The following EDAR variants were observed in gnomAD, a reference collection of about 807,000 sequenced individuals.
The protein encoded by EDAR is tumor necrosis factor receptor superfamily member EDAR.
Under a neutral mutation model 51.3 loss-of-function variants are expected in EDAR, and 38 were observed. That is an observed-to-expected ratio of 0.74 (90% confidence interval 0.57 to 0.97). The LOEUF (loss-of-function observed/expected upper bound fraction) is 0.97. Among genes scored for constraint, EDAR ranks in the 50% least tolerant of loss-of-function variants. The probability of loss-of-function intolerance (pLI) is 0.00; values close to 1 mark genes in which losing one functional copy is unlikely to be tolerated. For missense variants in EDAR, 528 were observed against 595.0 expected, an observed-to-expected ratio of 0.89 and a Z score of 1.17; for synonymous variants, 227 against 242.1, an observed-to-expected ratio of 0.94 and a Z score of 0.58.
At chr2:108,925,704 G>A (rs1353342960) in intron 4 of EDAR, among the ~76,000 whole-genome samples, 4 of 151,802 alleles carry the variant, frequency 2.6e-5, no homozygotes, top group Non-Finnish European at 5.9e-5. Context: ...CGCAACTTCC[G>A]CCTCCCAGGT....
chr2:108,903,805 ATG>A (rs1331262982), intron 11 of EDAR, among the ~76,000 whole-genome samples: 2 of 152,194 alleles, frequency 1.3e-5, no homozygotes, highest in Non-Finnish European at 2.9e-5. Flanking sequence ...CATAAAAACT[ATG>A]TGGACTTAGA....
chr2:108,911,201 G>A (rs1574372514), intron 6 of EDAR, 129 bp from the exon 7 acceptor site: 2 of 1,183,252 alleles, frequency 1.7e-6, no homozygotes, highest in Non-Finnish European at 2.5e-6. Flanking sequence ...GAAATCTGAG[G>A]TGCTTGCTTA....
At chr2:108,928,493 C>T (rs985763610) in intron 4 of EDAR, among the ~76,000 whole-genome samples, 8 of 152,334 alleles carry the variant, frequency 5.3e-5, no homozygotes, top group African/African-American at 1.7e-4. Flanking sequence ...GCCATCACCT[C>T]TCCCACCTGT....
rs1297893230 is a variant in EDAR, at chr2:108,929,494, CG to C, written c.175-116del. ...AGCTGTCTCCAGAAGCTACTCTTGC[CG>C]GGCCTTGGTTTCCTGAGTTGTCCTA... On this transcript the variant is annotated intron_variant, in intron 3 of 11. Coordinates refer to ENST00000258443, the MANE Select transcript of EDAR (RefSeq NM_022336.4). 3.5e-6 allele frequency: 4 copies of C among 1,154,966 alleles called. No individual in the cohort carries two copies. The African/African-American group carries it at 4.5e-5, about 13-fold the overall frequency. The allele number at this position is 1,154,966 out of a possible 1,614,324, so 71.5% of individuals were successfully genotyped here.
At chr2:108,960,882 A>G (rs189853079) in intron 1 of EDAR, among the ~76,000 whole-genome samples, 2 of 152,378 alleles carry the variant, frequency 1.3e-5, no homozygotes, top group East Asian at 3.9e-4. Context: ...GTATTCCACC[A>G]TGTGGATGTA....
intron 1 of EDAR, among the ~76,000 whole-genome samples, chr2:108,952,907 G>C (rs764428233): frequency 3.9e-5 from 6 of 152,040 alleles, no homozygotes; most frequent in Non-Finnish European, 8.8e-5. Context: ...TCTTTATTAG[G>C]GTTGGTCTAT....
At chr2:108,971,891 C>T (rs535588447) in intron 1 of EDAR, among the ~76,000 whole-genome samples, 1 of 152,328 alleles carries the variant, frequency 6.6e-6, no homozygotes, top group African/African-American at 2.4e-5. Context: ...GACCAGGTCA[C>T]CAAAGGCACT....
chr2:108,987,240 T>C (rs911374629), intron 1 of EDAR, among the ~76,000 whole-genome samples: 12 of 152,260 alleles, frequency 7.9e-5, no homozygotes, highest in African/African-American at 2.4e-4. Context: ...ACGCACTCAC[T>C]TGGACCCAGA....
intron 11 of EDAR, among the ~76,000 whole-genome samples, chr2:108,905,305 G>A (rs1222329240): frequency 6.6e-6 from 1 of 152,180 alleles, no homozygotes; most frequent in Non-Finnish European, 1.5e-5. Flanking sequence ...TGGAAGGTGA[G>A]TCCTAGACCA....
intron 1 of EDAR, among the ~76,000 whole-genome samples, chr2:108,967,915 A>C (rs1390352196): frequency 6.6e-6 from 1 of 152,198 alleles, no homozygotes; most frequent in Non-Finnish European, 1.5e-5. Context: ...TGAGTCTAAG[A>C]CCTGTCAAAT....
At chr2:108,908,181 G>A (rs1328390883) in intron 9 of EDAR, among the ~76,000 whole-genome samples, 162 bp from the exon 10 acceptor site, 2 of 152,094 alleles carry the variant, frequency 1.3e-5, no homozygotes, top group African/African-American at 4.8e-5. Context: ...GGGACCAGGG[G>A]ACATGAGACG....
At chr2:108,925,509 C>A (rs947209976) in intron 4 of EDAR, among the ~76,000 whole-genome samples, 1 of 152,188 alleles carries the variant, frequency 6.6e-6, no homozygotes, top group Non-Finnish European at 1.5e-5. Context: ...GTCCTGGGCA[C>A]GAGGCACCTT....
At chr2:108,912,584 T>C (rs1696947485) in intron 6 of EDAR, 94 bp downstream of exon 6, 1 of 1,222,982 alleles carries the variant, frequency 8.2e-7, no homozygotes, top group Non-Finnish European at 1.2e-6. Flanking sequence ...AAGCGCACCA[T>C]AATCATCACT....
At chr2:108,924,567 C>T (rs1030946523) in intron 4 of EDAR, among the ~76,000 whole-genome samples, 1 of 152,192 alleles carries the variant, frequency 6.6e-6, no homozygotes, top group Non-Finnish European at 1.5e-5. Flanking sequence ...ATTAGCCAGG[C>T]CCCATGGAGG....
At chr2:108,976,636 G>A (rs960642527) in intron 1 of EDAR, among the ~76,000 whole-genome samples, 1 of 152,070 alleles carries the variant, frequency 6.6e-6, no homozygotes, top group Non-Finnish European at 1.5e-5. Flanking sequence ...TTGTCCATCC[G>A]TCCATTATTT....
At chr2:108,945,057 C>G (rs1379763579) in intron 1 of EDAR, among the ~76,000 whole-genome samples, 1 of 152,166 alleles carries the variant, frequency 6.6e-6, no homozygotes, top group African/African-American at 2.4e-5. Flanking sequence ...ATTGTACAGT[C>G]TGGTGCTTTC....
At chr2:108,940,380 T>G (rs761073263) in intron 1 of EDAR, 2 of 152,384 alleles carry the variant, frequency 1.3e-5, no homozygotes, top group East Asian at 3.9e-4. Context: ...AAAGCACGTG[T>G]GGCTCCTCCA....
At chr2:108,913,267 G>T (rs1281545322) in intron 5 of EDAR, among the ~76,000 whole-genome samples, 3 of 151,756 alleles carry the variant, frequency 2.0e-5, no homozygotes, top group African/African-American at 7.3e-5. Context: ...TTCTTTAAAT[G>T]AAAACACTCA....
At chr2:108,927,828 C>T (rs906810970) in intron 4 of EDAR, among the ~76,000 whole-genome samples, 3 of 152,168 alleles carry the variant, frequency 2.0e-5, no homozygotes, top group African/African-American at 7.2e-5. Flanking sequence ...CCCTCTTGCT[C>T]CTGTCTTCTG....
Sources: allele counts gnomAD v4.1 joint callset (sites outside exome capture counted in the v4.1 genomes callset), GRCh38; gene constraint gnomAD v4.1.1; transcripts MANE v1.5; gene names NCBI Gene and HGNC (gene_info 2026-07-23, HGNC 2026-07-21).